Variants in RALYL observed in about 807,000 individuals in gnomAD.
The protein encoded by RALYL is RALY RNA binding protein like.
Under a neutral mutation model 35.1 loss-of-function variants are expected in RALYL, and 29 were observed. The ratio of observed to expected loss-of-function variants is 0.83; its 90% CI spans 0.61 to 1.13. The LOEUF (loss-of-function observed/expected upper bound fraction) is 1.13, where lower values mean the gene tolerates loss of function less well. Among genes scored for constraint, RALYL ranks in the 50% most tolerant of loss-of-function variants. RALYL has a pLI of 0.00. For missense variants in RALYL, 359 were observed against 360.4 expected (o/e 1.00, Z 0.03); for synonymous variants, 120 against 127.6 (o/e 0.94, Z 0.40).
intron 2 of RALYL, among the ~76,000 whole-genome samples, chr8:84,545,087 A>G (rs1208524220): frequency 6.6e-6 from 1 of 152,076 alleles, no homozygotes; most frequent in East Asian, 1.9e-4. Context: ...TCTCTTATCC[A>G]TGTGGAATTT....
chr8:84,677,603 G>A (rs550456688), intron 2 of RALYL, among the ~76,000 whole-genome samples: 21 of 152,076 alleles, frequency 1.4e-4, no homozygotes, highest in African/African-American at 5.1e-4. Context: ...TGATAAAACT[G>A]GAAATAGAAA....
intron 2 of RALYL, among the ~76,000 whole-genome samples, chr8:84,661,898 A>G (rs905239344): frequency 1.2e-4 from 18 of 149,558 alleles, no homozygotes; most frequent in Non-Finnish European, 2.1e-4. Context: ...CATTTCTTTG[A>G]GCTGGAGCCA....
chr8:84,849,857 A>ATAAT (rs1835462405), intron 4 of RALYL, 123 bp from the exon 5 acceptor site: 1 of 561,012 alleles, frequency 1.8e-6, no homozygotes, highest in African/African-American at 2.0e-5. Context: ...CTTTGGATGC[A>ATAAT]TAATTATATT....
chr8:84,462,331 G>A (rs1479563217), intron 1 of RALYL, among the ~76,000 whole-genome samples: 5 of 151,070 alleles, frequency 3.3e-5, no homozygotes, highest in Non-Finnish European at 5.9e-5. Context: ...ATATGTTTTG[G>A]ACACCAGTCT....
intron 2 of RALYL, among the ~76,000 whole-genome samples, chr8:84,618,911 A>G (rs1247715879): frequency 8.3e-6 from 1 of 120,824 alleles, no homozygotes; most frequent in Non-Finnish European, 1.7e-5. Context: ...GTTTTGAGTG[A>G]GATTCTTAAT....
chr8:84,362,344 C>T (rs751219777), intron 1 of RALYL, among the ~76,000 whole-genome samples: 1 of 152,102 alleles, frequency 6.6e-6, no homozygotes. Flanking sequence ...GGAATTGCAT[C>T]TGAGTTGGGC....
At chr8:84,530,083 A>G (rs2059177764) in intron 2 of RALYL, among the ~76,000 whole-genome samples, 1 of 152,200 alleles carries the variant, frequency 6.6e-6, no homozygotes, top group Admixed American at 6.5e-5. Flanking sequence ...GATTTTGTGT[A>G]TTATACCTGT....
At chr8:84,697,424 A>T (rs756030047) in intron 2 of RALYL, among the ~76,000 whole-genome samples, 2 of 151,938 alleles carry the variant, frequency 1.3e-5, no homozygotes, top group African/African-American at 2.4e-5. Context: ...TTAATTGGAA[A>T]TTTGCTCTGG....
At chr8:84,410,698 A>G (rs1264037353) in intron 1 of RALYL, among the ~76,000 whole-genome samples, 1 of 151,816 alleles carries the variant, frequency 6.6e-6, no homozygotes, top group African/African-American at 2.4e-5. Flanking sequence ...CATTTTGTAG[A>G]TTAAATAAAA....
chr8:84,372,730 T>C (rs1057502442), intron 1 of RALYL, among the ~76,000 whole-genome samples: 4 of 151,824 alleles, frequency 2.6e-5, no homozygotes, highest in Non-Finnish European at 5.9e-5. Flanking sequence ...TTCCTTTGGG[T>C]ATATACCCAG....
intron 1 of RALYL, among the ~76,000 whole-genome samples, chr8:84,219,849 A>G (rs1478640046): frequency 6.7e-6 from 1 of 149,940 alleles, no homozygotes. Flanking sequence ...AAAGGTAATG[A>G]TAACAGAAGA....
intron 2 of RALYL, among the ~76,000 whole-genome samples, chr8:84,609,376 T>C (rs1182310381): frequency 6.6e-6 from 1 of 152,182 alleles, no homozygotes; most frequent in Non-Finnish European, 1.5e-5. Flanking sequence ...AAATTAATTA[T>C]ATACGTGAAA....
chr8:84,237,218 A>G (rs554332027), intron 1 of RALYL, among the ~76,000 whole-genome samples: 23 of 152,210 alleles, frequency 1.5e-4, no homozygotes, highest in Non-Finnish European at 3.1e-4. Flanking sequence ...GAAGTGAACC[A>G]GGGAGTGCAG....
chr8:84,306,035 G>A (rs1841719377), intron 1 of RALYL, among the ~76,000 whole-genome samples: 1 of 152,004 alleles, frequency 6.6e-6, no homozygotes, highest in Non-Finnish European at 1.5e-5. Context: ...ATGGTGGCGG[G>A]CACCTGTAGT....
chr8:84,433,433 G>A (rs764715938), intron 1 of RALYL, among the ~76,000 whole-genome samples: 1 of 152,110 alleles, frequency 6.6e-6, no homozygotes, highest in Admixed American at 6.6e-5. Flanking sequence ...CCTAAAACAG[G>A]ACGATGTTTG....
chr8:84,792,536 A>C (rs1821039991), intron 3 of RALYL, among the ~76,000 whole-genome samples: 1 of 152,222 alleles, frequency 6.6e-6, no homozygotes, highest in African/African-American at 2.4e-5. Flanking sequence ...AAATTTGGGC[A>C]TGAAAACAGG....
intron 1 of RALYL, among the ~76,000 whole-genome samples, chr8:84,411,036 A>G (rs916248225): frequency 2.6e-5 from 4 of 151,930 alleles, no homozygotes; most frequent in African/African-American, 9.7e-5. Context: ...ATGACAATGC[A>G]AACTTTTTTC....
At chr8:84,692,026 C>A (rs1838158433) in intron 2 of RALYL, among the ~76,000 whole-genome samples, 1 of 151,562 alleles carries the variant, frequency 6.6e-6, no homozygotes, top group African/African-American at 2.4e-5. Context: ...ATTCAATATC[C>A]AATCATGATT....
chr8:84,308,675 G>A (rs1842247415), intron 1 of RALYL, among the ~76,000 whole-genome samples: 1 of 152,122 alleles, frequency 6.6e-6, no homozygotes, highest in Non-Finnish European at 1.5e-5. Flanking sequence ...TTTCAGAGTT[G>A]TTAAAAGTGT....
Sources: gnomAD v4.1 joint callset for allele counts (sites outside exome capture counted in the v4.1 genomes callset) on GRCh38, gnomAD v4.1.1 for gene constraint, MANE v1.5 for transcripts, NCBI Gene and HGNC (gene_info 2026-07-23, HGNC 2026-07-21) for gene names.